CASZ1: variants seen among roughly 807,000 people sequenced by gnomAD.
The protein encoded by CASZ1 is zinc finger protein castor homolog 1.
Under a neutral mutation model 135.2 loss-of-function variants are expected in CASZ1, and 28 were observed. That is an observed-to-expected ratio of 0.21 (90% confidence interval 0.15 to 0.28). The LOEUF (loss-of-function observed/expected upper bound fraction) is 0.28, where lower values mean the gene tolerates loss of function less well. CASZ1 is among the 10% of genes least tolerant of loss of function. The probability of loss-of-function intolerance (pLI) is 1.00; values close to 1 mark genes in which losing one functional copy is unlikely to be tolerated. For synonymous variants in CASZ1, 1,068 were observed against 1,073.4 expected (o/e 0.99, Z 0.10); for missense variants, 2,161 against 2,453.3 (o/e 0.88, Z 2.52).
Position 10,756,448 on chromosome 1 carries a change from C to G in CASZ1, c.-77+4253G>C, listed in dbSNP as rs924576596. ...CAGCAAGGGCAAGTGCTCACGCGAGCCCGGCAGCCGGCTGTGACAGCTTCA... is the reference window on the plus strand; with the variant it reads ...CAGCAAGGGCAAGTGCTCACGCGAGGCCGGCAGCCGGCTGTGACAGCTTCA... On this transcript the variant is annotated intron_variant, in intron 2 of 20. Transcript: ENST00000377022. The surrounding 1 kb of genome is among the most constrained non-coding windows in gnomAD (Gnocchi z 5.9). Among the ~76,000 whole-genome samples the G allele has an allele frequency of 6.6e-6, 1 of 152,270 alleles. No homozygotes were observed. The highest frequency in any genetic ancestry group is 1.5e-5 in the Non-Finnish European group (1 of 68,050).
rs1639923518 is a variant in CASZ1 at position 10,741,586 on chromosome 1, G to A, written c.-77+19115C>T. Among the ~76,000 whole-genome samples the A allele has an allele frequency of 6.6e-6, 1 of 152,058 alleles. No individual in the cohort carries two copies. The highest frequency in any genetic ancestry group is 1.5e-5 in the Non-Finnish European group (1 of 68,020). On this transcript the variant is annotated intron_variant, in intron 2 of 20. Coordinates refer to ENST00000377022, the MANE Select transcript of CASZ1 (RefSeq NM_001079843.3). The surrounding 1 kb of genome is among the most constrained non-coding windows in gnomAD (Gnocchi z 5.0). Reference sequence around the variant, plus strand: ...ATACATTTGTTGGTGCCAAACCCCTGGTTTTATTATCCGGGAGAAAAACAA... The same window carrying A: ...ATACATTTGTTGGTGCCAAACCCCTAGTTTTATTATCCGGGAGAAAAACAA...
At chr1:10,780,644 T>C (rs1004988882) in intron 1 of CASZ1, among the ~76,000 whole-genome samples, 1 of 152,198 alleles carries the variant, frequency 6.6e-6, no homozygotes, top group Non-Finnish European at 1.5e-5. Flanking sequence ...TGTCTCATGA[T>C]AGTTAAGTTA....
chr1:10,747,189 C>G lies in CASZ1; in HGVS notation c.-77+13512G>C, dbSNP rs1431432577. Among the ~76,000 whole-genome samples the G allele has an allele frequency of 1.3e-5, 2 of 152,192 alleles. No individual in the cohort carries two copies. The highest frequency in any genetic ancestry group is 2.9e-5 in the Non-Finnish European group (2 of 68,048). On this transcript the variant is annotated intron_variant, in intron 2 of 20. Coordinates refer to ENST00000377022, the MANE Select transcript of CASZ1 (RefSeq NM_001079843.3). The surrounding 1 kb of genome is among the most constrained non-coding windows in gnomAD (Gnocchi z 4.3). Reference sequence around the variant, plus strand: ...CCAGCTACCCCCATACCCTCTGAGCCTCTGGCCCTTGGAGACATAGGCCAC... The same window carrying G: ...CCAGCTACCCCCATACCCTCTGAGCGTCTGGCCCTTGGAGACATAGGCCAC...
rs776465761 is a variant in CASZ1, at chr1:10,654,476, T to C, written c.1781A>G (p.Asp594Gly). The C allele has an allele frequency of 1.9e-6, 3 of 1,614,236 alleles. No individual in the cohort carries two copies. Among genetic ancestry groups the C allele is most frequent in the Non-Finnish European group, 2.5e-6 (3 of 1,180,040 alleles). The change falls in exon 10 of 21, where the codon GAC becomes GGC. Residue 594 changes from aspartate (D) to glycine (G), a missense_variant. By Grantham distance (94) the Asp-to-Gly change is moderately conservative (BLOSUM62 -1). Around this residue, in one of 7 missense-constraint regions of CASZ1, gnomAD observed 248 missense variants for 410.8 expected, o/e 0.60. Coordinates refer to ENST00000377022, the MANE Select transcript of CASZ1 (RefSeq NM_001079843.3). ...GAACTGGCAGTCGGCTGTGCCACAGTCTTCGGTGGCTCGGAAGCGCTGGAA... is the reference window on the plus strand; with the variant it reads ...GAACTGGCAGTCGGCTGTGCCACAGCCTTCGGTGGCTCGGAAGCGCTGGAA... Reference protein sequence around the residue: ...DGFQRFRATEDCGTADCQFYG... With the variant: ...DGFQRFRATEGCGTADCQFYG...
intron 4 of CASZ1, among the ~76,000 whole-genome samples, chr1:10,678,751 AC>A (rs34785452): frequency 6.6e-6 from 1 of 151,730 alleles, no homozygotes; most frequent in Middle Eastern, 3.2e-3. Flanking sequence ...GATTCAGGTC[AC>A]CCCCATCCGT....
At chr1:10,785,763 A>G (rs1355197106) in intron 1 of CASZ1, among the ~76,000 whole-genome samples, 2 of 152,172 alleles carry the variant, frequency 1.3e-5, no homozygotes, top group South Asian at 2.1e-4. Flanking sequence ...CCAAGACCCA[A>G]ATGAGGCTCA....
At chr1:10,648,987 G>T in intron 15 of CASZ1, 83 bp downstream of exon 15, 1 of 1,556,144 alleles carries the variant, frequency 6.4e-7, no homozygotes. Flanking sequence ...GGGAACTGCT[G>T]TACCAGCCTG....
At position 10,710,628 on chromosome 1, in the gene CASZ1, A is replaced by G. The variant is rs74052171; in HGVS notation, c.-76-5084T>C. Reference sequence around the variant, plus strand: ...TCCAGTCTCTGCCAGCTCAGGGCTCAGCGTGGTAGGCAGTGCCTCCTCTCA... The same window carrying G: ...TCCAGTCTCTGCCAGCTCAGGGCTCGGCGTGGTAGGCAGTGCCTCCTCTCA... On this transcript the variant is annotated intron_variant, in intron 2 of 20. Transcript: ENST00000377022. 6.3e-3 allele frequency among the ~76,000 whole-genome samples: 966 copies of G among 152,362 alleles called. 13 individuals carry two copies. Among genetic ancestry groups the G allele is most frequent in the African/African-American group, 0.022 (921 of 41,588 alleles).
In CASZ1 at chr1:10,640,032, G is replaced by C. The variant is rs200311968; in HGVS notation, c.4190C>G (p.Ser1397Trp). The C allele has an allele frequency of 1.2e-6, 2 of 1,609,436 alleles. No homozygotes were observed. Among genetic ancestry groups the C allele is most frequent in the Non-Finnish European group, 1.7e-6 (2 of 1,179,692 alleles). The change falls in exon 21 of 21, where the codon TCG (serine) becomes TGG (tryptophan). Residue 1397 changes from serine to tryptophan, a missense_variant. By Grantham distance (177) the Ser-to-Trp change is radical. Coordinates refer to ENST00000377022, the MANE Select transcript of CASZ1 (RefSeq NM_001079843.3). ...GATCCAGAAGCGCTTTTTGGCCCCC[G>C]AGGCTGTCGGCATAGAGATGGTGTT... ...AGNTISMPTA[S>W]GAKKRFWIIE...
intron 2 of CASZ1, among the ~76,000 whole-genome samples, chr1:10,742,808 A>C (rs1054831562): frequency 6.6e-6 from 1 of 152,020 alleles, no homozygotes; most frequent in African/African-American, 2.4e-5. Context: ...ACATGGTGGA[A>C]CCCTGTCTCT....
intron 2 of CASZ1, among the ~76,000 whole-genome samples, chr1:10,743,468 C>T (rs368578179): frequency 6.6e-6 from 1 of 151,800 alleles, no homozygotes; most frequent in Non-Finnish European, 1.5e-5. Flanking sequence ...TCTAAGTGTA[C>T]CCCGGCATCC....
In CASZ1 at chr1:10,697,973, G is replaced by A. The variant is rs1397665965; in HGVS notation, c.-23-4061C>T. On this transcript the variant is annotated intron_variant, in intron 3 of 20. Coordinates refer to ENST00000377022, the MANE Select transcript of CASZ1 (RefSeq NM_001079843.3). The surrounding 1 kb of genome is among the most constrained non-coding windows in gnomAD (Gnocchi z 4.7). The stretch of plus-strand genomic sequence containing the variant: ...GTGGACGGGAAGCATGGGGGCCGAG[G>A]GAGGGCAGAGCCAAGGCACCACGGC... Among the ~76,000 whole-genome samples, 2 of 152,260 alleles carry A rather than the reference G, an allele frequency of 1.3e-5. No homozygotes were observed. The highest frequency in any genetic ancestry group is 2.9e-5 in the Non-Finnish European group (2 of 68,044).
chr1:10,664,971 C>G, intron 5 of CASZ1, 112 bp downstream of exon 5: 1 of 1,222,956 alleles, frequency 8.2e-7, no homozygotes, highest in South Asian at 2.5e-5. Context: ...GATGAGGGGC[C>G]GGTATTTAGA....
chr1:10,690,632 G>T (rs1160233200), intron 4 of CASZ1, among the ~76,000 whole-genome samples: 1 of 152,146 alleles, frequency 6.6e-6, no homozygotes. Flanking sequence ...TCGACGACAA[G>T]GCTGCAGCCA....
rs572232972 is a variant in CASZ1 at position 10,673,032 on chromosome 1, G to A, written c.17-7461C>T. On this transcript the variant is annotated intron_variant, in intron 4 of 20. Transcript: ENST00000377022. ...CCCAGAGGAAGGCACGGTGGACGGCGTTGGGGTGCAGTGGCGAGTGGAGAA... is the reference window on the plus strand; with the variant it reads ...CCCAGAGGAAGGCACGGTGGACGGCATTGGGGTGCAGTGGCGAGTGGAGAA... 1.7e-3 allele frequency among the ~76,000 whole-genome samples: 255 copies of A among 152,142 alleles called. 1 individual carries two copies. The highest frequency in any genetic ancestry group is 0.012 in the South Asian group (58 of 4,800).
At chr1:10,713,383 G>A (rs1387829362) in intron 2 of CASZ1, among the ~76,000 whole-genome samples, 3 of 152,086 alleles carry the variant, frequency 2.0e-5, no homozygotes, top group Non-Finnish European at 4.4e-5. Flanking sequence ...ATAATTTGTA[G>A]GTCCTGAACT....
In CASZ1 at chr1:10,739,429, C is replaced by T. The variant is rs751351542; in HGVS notation, c.-77+21272G>A. Among the ~76,000 whole-genome samples, 22 of 152,088 alleles carry T rather than the reference C, an allele frequency of 1.4e-4. No individual in the cohort carries two copies. Among genetic ancestry groups the T allele is most frequent in the Non-Finnish European group, 2.9e-4 (20 of 67,982 alleles). On this transcript the variant is annotated intron_variant, in intron 2 of 20. Transcript: ENST00000377022. This position sits in a 1 kb window ranked among gnomAD's most constrained non-coding sequence, Gnocchi z 4.8. ...GCGCAGGGAAGGGCATGGGGCACAG[C>T]ATGTGTGTGGCCCACACAAGGGCGG...
chr1:10,708,673 C>T lies in CASZ1; in HGVS notation c.-76-3129G>A, dbSNP rs368046633. On this transcript the variant is annotated intron_variant, in intron 2 of 20. Coordinates refer to ENST00000377022, the MANE Select transcript of CASZ1 (RefSeq NM_001079843.3). ...CGGTTCTGAAGCACAGTGGTCTCTC[C>T]CTGAGCCCGGCAGCCCTGGGCTGGC... 2.0e-4 allele frequency among the ~76,000 whole-genome samples: 31 copies of T among 152,266 alleles called. No individual in the cohort carries two copies. In the South Asian group the frequency reaches 3.1e-3, roughly 15 times the overall value.
intron 11 of CASZ1, 34 bp from the exon 12 acceptor site, chr1:10,651,110 G>T (rs756806060): frequency 6.9e-7 from 1 of 1,459,170 alleles, no homozygotes; most frequent in Middle Eastern, 2.4e-4. Flanking sequence ...GCGTCAGAGG[G>T]GCTGAAGGCC....
Sources: gnomAD v4.1 joint callset for allele counts (sites outside exome capture counted in the v4.1 genomes callset) on GRCh38, gnomAD v4.1.1 for gene constraint, gnomAD v4.1.1 regional missense constraint, Gnocchi (gnomAD v3.1) non-coding constraint, MANE v1.5 for transcripts, NCBI Gene and HGNC (gene_info 2026-07-23, HGNC 2026-07-21) for gene names.